The following CEP162 variants were observed in gnomAD, a reference collection of about 807,000 sequenced individuals.
The protein encoded by CEP162 is centrosomal protein 162.
CEP162 carries 141 observed loss-of-function variants against 169.2 expected under a neutral mutation model. The observed-to-expected ratio is 0.83, with a 90% confidence interval of 0.73 to 0.96. The LOEUF (loss-of-function observed/expected upper bound fraction) is 0.96, where lower values mean the gene tolerates loss of function less well. CEP162 is among the 40% of genes least tolerant of loss of function. CEP162 has a pLI of 0.00. For synonymous variants in CEP162, 540 were observed against 526.4 expected (o/e 1.03, Z -0.35); for missense variants, 1,600 against 1,587.2 (o/e 1.01, Z -0.14).
chr6:84,209,388 T>G (rs936780356), intron 6 of CEP162, among the ~76,000 whole-genome samples: 1 of 149,664 alleles, frequency 6.7e-6, no homozygotes, highest in East Asian at 1.9e-4. Context: ...TTTTTTTTTT[T>G]CTTGAGACGG....
intron 21 of CEP162, 96 bp from the exon 22 acceptor site, chr6:84,155,606 T>C (rs182243540): frequency 1.5e-5 from 12 of 775,642 alleles, no homozygotes; most frequent in East Asian, 7.8e-5. Context: ...CTGTATACAG[T>C]AGCATTTCTA....
chr6:84,148,414 A>G (rs1018380245), intron 24 of CEP162, among the ~76,000 whole-genome samples: 1 of 152,050 alleles, frequency 6.6e-6, no homozygotes, highest in Non-Finnish European at 1.5e-5. Flanking sequence ...CTGTAATCCC[A>G]GCTACTTGGA....
chr6:84,155,217 T>C (rs1045518072), intron 22 of CEP162, 81 bp downstream of exon 22: 2 of 1,053,592 alleles, frequency 1.9e-6, no homozygotes, highest in Non-Finnish European at 2.8e-6. Context: ...TTTATAGCTA[T>C]TTGTTAAAGT....
intron 13 of CEP162, among the ~76,000 whole-genome samples, chr6:84,183,004 A>C (rs188821627): frequency 6.6e-6 from 1 of 152,244 alleles, no homozygotes; most frequent in Non-Finnish European, 1.5e-5. Flanking sequence ...AGTTCCTCTG[A>C]ATAAAACTAA....
chr6:84,180,953 T>C (rs1461962357), intron 13 of CEP162, among the ~76,000 whole-genome samples: 10 of 152,158 alleles, frequency 6.6e-5, no homozygotes, highest in South Asian at 2.1e-4. Context: ...GCCATCCCCA[T>C]CAAGCTACCA....
In CEP162 at chr6:84,125,146, A is replaced by G. The variant is rs1169520591; in HGVS notation, c.4136T>C (p.Val1379Ala). ...TCCTTGCCGGTGCAGCTCTCGGAGA[A>G]CATCTAATATTGAGTCTAGTTCTGT... ...FRTELDSILD[V>A]LRELHRQGVV... The change falls in exon 27 of 27, where the codon GTT becomes GCT. Residue 1379 changes from valine (V) to alanine (A), a missense_variant. Physicochemically the swap from Val to Ala is moderately conservative, Grantham distance 64. Coordinates refer to ENST00000403245, the MANE Select transcript of CEP162 (RefSeq NM_014895.4). 6 of 1,613,460 alleles carry G rather than the reference A, an allele frequency of 3.7e-6. No homozygotes were observed. The Admixed American group carries it at 1.0e-4, about 27-fold the overall frequency.
At chr6:84,188,252 CTTTT>C (rs905319995) in intron 11 of CEP162, among the ~76,000 whole-genome samples, 7 of 148,182 alleles carry the variant, frequency 4.7e-5, no homozygotes, top group Non-Finnish European at 1.0e-4. Flanking sequence ...TAGCAAAGAA[CTTTT>C]TTTTTTTAAA....
intron 6 of CEP162, among the ~76,000 whole-genome samples, chr6:84,211,313 G>C (rs2099549334): frequency 6.6e-6 from 1 of 151,542 alleles, no homozygotes; most frequent in African/African-American, 2.4e-5. Context: ...CAGATCATGA[G>C]GTCAGGAGAT....
intron 25 of CEP162, among the ~76,000 whole-genome samples, chr6:84,135,438 C>T (rs970956100): frequency 8.7e-5 from 13 of 149,008 alleles, no homozygotes; most frequent in Admixed American, 6.0e-4. Context: ...ACAATCTGTG[C>T]GTAGCCCAGA....
chr6:84,130,591 T>C (rs545009395), intron 25 of CEP162, among the ~76,000 whole-genome samples: 3 of 152,126 alleles, frequency 2.0e-5, no homozygotes, highest in Non-Finnish European at 4.4e-5. Context: ...CTTGGGAGGG[T>C]GTATGTGTCC....
At chr6:84,212,541 A>C (rs900906905) in intron 6 of CEP162, among the ~76,000 whole-genome samples, 42 of 152,040 alleles carry the variant, frequency 2.8e-4, no homozygotes, top group Non-Finnish European at 2.4e-4. Flanking sequence ...AACAAAGAAG[A>C]ATAGCTAAAA....
intron 25 of CEP162, among the ~76,000 whole-genome samples, chr6:84,142,198 TAA>T (rs774245020): frequency 6.6e-6 from 1 of 152,228 alleles, no homozygotes; most frequent in East Asian, 1.9e-4. Flanking sequence ...TGAAAAATTT[TAA>T]GTCTTCCTCA....
intron 18 of CEP162, among the ~76,000 whole-genome samples, chr6:84,163,482 A>G (rs2099526542): frequency 6.6e-6 from 1 of 152,100 alleles, no homozygotes. Flanking sequence ...ACACAGCATT[A>G]AAGACCTCTC....
chr6:84,161,009 T>A, intron 20 of CEP162, 93 bp from the exon 21 acceptor site: 2 of 845,220 alleles, frequency 2.4e-6, no homozygotes, highest in South Asian at 3.1e-5. Flanking sequence ...CTCATACATT[T>A]ATTAATTCCT....
At chr6:84,131,578 T>C (rs1311996367) in intron 25 of CEP162, among the ~76,000 whole-genome samples, 2 of 152,228 alleles carry the variant, frequency 1.3e-5, no homozygotes, top group Non-Finnish European at 1.5e-5. Flanking sequence ...TCTTGTTGAA[T>C]TGATCCCTTT....
At chr6:84,161,609 A>G in intron 20 of CEP162, 137 bp downstream of exon 20, 1 of 708,900 alleles carries the variant, frequency 1.4e-6, no homozygotes, top group South Asian at 1.9e-5. Flanking sequence ...CTATATATCT[A>G]AAAGCAAACC....
chr6:84,124,900 A>T lies in CEP162; in HGVS notation c.*170T>A, dbSNP rs2099508290. On this transcript the variant is annotated 3_prime_UTR_variant, in exon 27 of 27. Transcript: ENST00000403245. ...GATTTTTAGTAAAATACACCATTAT[A>T]TGTTTTTTTTCTTATTGGTTAAAGG... is the stretch of plus-strand genomic sequence containing the variant. The T allele has an allele frequency of 1.6e-6, 1 of 629,956 alleles. No individual in the cohort carries two copies. Among genetic ancestry groups the T allele is most frequent in the Non-Finnish European group, 2.8e-6 (1 of 363,552 alleles). The allele number at this position is 629,956 out of a possible 1,614,324, so 39.0% of individuals were successfully genotyped here.
intron 11 of CEP162, 100 bp downstream of exon 11, chr6:84,193,509 C>CAAGCTA: frequency 1.6e-6 from 1 of 619,570 alleles, no homozygotes. Flanking sequence ...CAGGTAGAGT[C>CAAGCTA]AAGCTAGTAT....
At chr6:84,180,884 T>G (rs1223303370) in intron 13 of CEP162, among the ~76,000 whole-genome samples, 1 of 152,098 alleles carries the variant, frequency 6.6e-6, no homozygotes, top group East Asian at 1.9e-4. Flanking sequence ...TGCTCATGGA[T>G]AGGAAGAATC....
Sources: gnomAD v4.1 joint callset for allele counts (sites outside exome capture counted in the v4.1 genomes callset) on GRCh38, gnomAD v4.1.1 for gene constraint, MANE v1.5 for transcripts, NCBI Gene and HGNC (gene_info 2026-07-23, HGNC 2026-07-21) for gene names.